The following HTR1E variants were observed in gnomAD, a reference collection of about 807,000 sequenced individuals.
HTR1E encodes the protein 5-hydroxytryptamine receptor 1E.
In HTR1E, 3 loss-of-function variants were observed where a neutral mutation model predicts 3.4. That is an observed-to-expected ratio of 0.89 (90% CI 0.41 to 2.31). The LOEUF is 2.31. Ranked by LOEUF, HTR1E falls within the 30% of genes most tolerant of loss-of-function variation. The pLI is 0.05. For missense variants in HTR1E, 392 were observed against 467.0 expected, an observed-to-expected ratio of 0.84 and a Z score of 1.48; for synonymous variants, 170 against 182.8, an observed-to-expected ratio of 0.93 and a Z score of 0.56.
intron 1 of HTR1E, among the ~76,000 whole-genome samples, chr6:87,004,590 T>C (rs1038654193): frequency 1.3e-5 from 2 of 152,150 alleles, no homozygotes; most frequent in Non-Finnish European, 2.9e-5. Flanking sequence ...TAGAAGTACA[T>C]ACCTCAACAC....
intron 1 of HTR1E, among the ~76,000 whole-genome samples, chr6:86,957,424 C>T (rs181164186): frequency 3.6e-4 from 55 of 152,292 alleles, no homozygotes; most frequent in Non-Finnish European, 1.6e-4. Flanking sequence ...TTTATTAGGA[C>T]ATTTGAAAGT....
intron 1 of HTR1E, among the ~76,000 whole-genome samples, chr6:86,990,966 AC>A (rs1373398874): frequency 1.3e-5 from 2 of 152,168 alleles, no homozygotes; most frequent in Admixed American, 1.3e-4. Flanking sequence ...CCAAATGATG[AC>A]AGTTAACACC....
intron 1 of HTR1E, among the ~76,000 whole-genome samples, chr6:86,997,987 T>C (rs1431541397): frequency 6.6e-6 from 1 of 151,962 alleles, no homozygotes; most frequent in Non-Finnish European, 1.5e-5. Flanking sequence ...CAGAGAATAT[T>C]ATCAGGGATA....
chr6:86,945,721 G>GTTTTGT (rs545810614), intron 1 of HTR1E, among the ~76,000 whole-genome samples: 11 of 151,888 alleles, frequency 7.2e-5, no homozygotes, highest in South Asian at 2.1e-4. Context: ...GGGGTTTTTT[G>GTTTTGT]TTTTGTTTTT....
intron 1 of HTR1E, among the ~76,000 whole-genome samples, chr6:86,975,035 G>A (rs7751001): frequency 0.071 from 10,833 of 152,236 alleles, 485 homozygotes; most frequent in East Asian, 0.15. Context: ...TAGAAACCAA[G>A]GTCTGAGTCC....
chr6:86,972,469 G>T (rs1767573954), intron 1 of HTR1E, among the ~76,000 whole-genome samples: 1 of 151,940 alleles, frequency 6.6e-6, no homozygotes, highest in Non-Finnish European at 1.5e-5. Flanking sequence ...TGTTGTATGG[G>T]GCAGTTTTCC....
intron 1 of HTR1E, among the ~76,000 whole-genome samples, chr6:86,984,179 G>A (rs1360281890): frequency 6.6e-6 from 1 of 151,954 alleles, no homozygotes; most frequent in Non-Finnish European, 1.5e-5. Flanking sequence ...AACTCAAAAG[G>A]CCACCATCTT....
intron 1 of HTR1E, among the ~76,000 whole-genome samples, chr6:86,945,446 T>C (rs1472658552): frequency 6.6e-6 from 1 of 152,062 alleles, no homozygotes; most frequent in Non-Finnish European, 1.5e-5. Context: ...TTTCACCATA[T>C]TGGCCATGCT....
intron 1 of HTR1E, among the ~76,000 whole-genome samples, chr6:87,006,974 G>T (rs537909517): frequency 3.9e-5 from 6 of 152,144 alleles, no homozygotes; most frequent in African/African-American, 1.2e-4. Context: ...TAATGCTTGC[G>T]GAGCTTAATA....
intron 1 of HTR1E, among the ~76,000 whole-genome samples, chr6:87,009,988 G>T (rs1459682654): frequency 3.8e-4 from 48 of 126,898 alleles, no homozygotes; most frequent in East Asian, 1.1e-3. Flanking sequence ...CCTCCCAGAC[G>T]GGGTGGCTGG....
intron 1 of HTR1E, among the ~76,000 whole-genome samples, chr6:86,966,802 C>G (rs1456122898): frequency 6.6e-6 from 1 of 152,124 alleles, no homozygotes; most frequent in Non-Finnish European, 1.5e-5. Flanking sequence ...CTTGAAGATA[C>G]AAATGTGCGT....
intron 1 of HTR1E, among the ~76,000 whole-genome samples, chr6:87,003,861 A>G (rs1415105232): frequency 2.0e-5 from 3 of 152,172 alleles, no homozygotes; most frequent in Non-Finnish European, 4.4e-5. Flanking sequence ...AAAATAGACA[A>G]ACTATTAGTC....
chr6:86,946,960 T>C (rs1382733214), intron 1 of HTR1E, among the ~76,000 whole-genome samples: 1 of 152,034 alleles, frequency 6.6e-6, no homozygotes, highest in Non-Finnish European at 1.5e-5. Context: ...CTACTAAAAA[T>C]ACAAAATTAG....
intron 1 of HTR1E, among the ~76,000 whole-genome samples, chr6:86,958,057 ATTTT>A (rs1247030477): frequency 7.6e-6 from 1 of 131,208 alleles, no homozygotes; most frequent in African/African-American, 2.9e-5. Context: ...CAATAGAGGC[ATTTT>A]TTTTTTTTTT....
chr6:86,944,544 T>C (rs1428363040), intron 1 of HTR1E, among the ~76,000 whole-genome samples: 2 of 152,216 alleles, frequency 1.3e-5, no homozygotes, highest in Admixed American at 6.5e-5. Context: ...ACTTTATAGA[T>C]AGTGATATAA....
At chr6:87,016,678 CAG>C (rs1287294493) in exon 2 of HTR1E, 18 of 331,978 alleles carry the variant, frequency 5.4e-5, no homozygotes, top group Non-Finnish European at 6.7e-5. Flanking sequence ...CATACAAAAA[CAG>C]AAATTTTGTA....
At chr6:86,950,503 T>C (rs1330076106) in intron 1 of HTR1E, among the ~76,000 whole-genome samples, 2 of 152,202 alleles carry the variant, frequency 1.3e-5, no homozygotes, top group Non-Finnish European at 2.9e-5. Flanking sequence ...TGCAAAGGTA[T>C]TGAACAAGGT....
At chr6:86,962,603 T>G (rs1313531027) in intron 1 of HTR1E, among the ~76,000 whole-genome samples, 1 of 152,160 alleles carries the variant, frequency 6.6e-6, no homozygotes, top group East Asian at 1.9e-4. Flanking sequence ...TTTGGGAGGC[T>G]GAGGTGGGCA....
intron 1 of HTR1E, among the ~76,000 whole-genome samples, chr6:86,980,264 G>A (rs1294472115): frequency 6.6e-6 from 1 of 151,982 alleles, no homozygotes. Flanking sequence ...GCGGGCGCCT[G>A]TAGTCCCAGC....
Sources: gnomAD v4.1 joint callset for allele counts (sites outside exome capture counted in the v4.1 genomes callset) on GRCh38, gnomAD v4.1.1 for gene constraint, MANE v1.5 for transcripts, NCBI Gene and HGNC (gene_info 2026-07-23, HGNC 2026-07-21) for gene names.